SYTL2: variants seen among roughly 807,000 people sequenced by gnomAD.
SYTL2 encodes synaptotagmin-like protein 2.
A neutral mutation model predicts 198.7 loss-of-function variants in SYTL2; 165 were observed. The ratio of observed to expected loss-of-function variants is 0.83; its 90% confidence interval spans 0.73 to 0.94. The LOEUF is 0.94. Among genes scored for constraint, SYTL2 ranks in the 40% least tolerant of loss-of-function variants. The pLI, the probability that SYTL2 is intolerant of heterozygous loss-of-function variation, is 0.00. For missense variants in SYTL2, 2,835 were observed against 2,582.8 expected (o/e 1.10, Z -2.12); for synonymous variants, 966 against 917.7 (o/e 1.05, Z -0.95).
At chr11:85,789,293 A>T (rs1003002988) in intron 1 of SYTL2, among the ~76,000 whole-genome samples, 4 of 136,306 alleles carry the variant, frequency 2.9e-5, no homozygotes, top group Non-Finnish European at 4.6e-5. Context: ...ATATATATAT[A>T]TATTTATTTA....
rs757278110 is a variant in SYTL2 at position 85,725,414 on chromosome 11, A to G, written c.3944T>C (p.Leu1315Pro). The G allele has an allele frequency of 1.9e-6, 3 of 1,614,140 alleles. No individual in the cohort carries two copies. In the Admixed American group the frequency reaches 5.0e-5, roughly 27 times the overall value. Residue 1315 changes from leucine (L) to proline (P), a missense_variant, in exon 8 of 20, where the codon CTT becomes CCT. By Grantham distance (98) the Leu-to-Pro change is moderately conservative (BLOSUM62 -3). Coordinates refer to ENST00000359152, the MANE Select transcript of SYTL2 (RefSeq NM_206927.4). ...DSHPLDPTSQLSRKGSFGDVA... is the reference protein window; with the variant it reads ...DSHPLDPTSQPSRKGSFGDVA... ...ATCCCCAAAAGAACCCTTTCTGGAA[A>G]GCTGGGAAGTTGGATCCAATGGATG...
chr11:85,835,863 T>C, the SYTL2 span, among the ~76,000 whole-genome samples: 1 of 152,190 alleles, frequency 6.6e-6, no homozygotes, highest in Non-Finnish European at 1.5e-5. Flanking sequence ...GTAGGGTCTT[T>C]CTGGGACAAG....
rs1160441389 is a variant in SYTL2 at position 85,726,639 on chromosome 11, T to C, written c.2719A>G (p.Lys907Glu). 6.5e-7 allele frequency: 1 copy of C among 1,538,098 alleles called. No individual in the cohort carries two copies. Among genetic ancestry groups the C allele is most frequent in the Admixed American group, 2.0e-5 (1 of 51,066 alleles). ...TGTGATCTTTTTATAGGCTCATTTT[T>C]CTTATTCTGAAACAGAGACACTTTA... The part of the protein sequence containing the change: ...SDKVSLFQNK[K>E]NEPIKRSQVA... Residue 907 changes from lysine to glutamate, a missense_variant, in exon 8 of 20, where the codon AAA becomes GAA. Transcript: ENST00000359152.
At chr11:85,733,484 T>C (rs940099485) in intron 7 of SYTL2, 1 of 153,920 alleles carries the variant, frequency 6.5e-6, no homozygotes, top group African/African-American at 2.4e-5. Context: ...GGTATAAACA[T>C]TTCCAGTGGC....
chr11:85,811,434 T>C (rs1379577491), upstream of SYTL2, among the ~76,000 whole-genome samples: 1 of 152,154 alleles, frequency 6.6e-6, no homozygotes, highest in East Asian at 1.9e-4. Context: ...GCACTGTTGT[T>C]ATTGTTATTA....
intron 2 of SYTL2, among the ~76,000 whole-genome samples, chr11:85,749,793 C>T (rs2091401817): frequency 1.3e-5 from 2 of 152,216 alleles, no homozygotes; most frequent in Admixed American, 1.3e-4. Context: ...TTTGCCTTCT[C>T]CTCCCAAAAG....
At chr11:85,825,854 T>C in the SYTL2 span, among the ~76,000 whole-genome samples, 1 of 152,244 alleles carries the variant, frequency 6.6e-6, no homozygotes, top group Non-Finnish European at 1.5e-5. Context: ...ATGGCACTAA[T>C]CATGATTTCA....
the SYTL2 span, chr11:85,853,187 CATG>C: frequency 4.9e-6 from 2 of 404,212 alleles, no homozygotes; most frequent in Non-Finnish European, 9.8e-6. Flanking sequence ...GAGAACAGGC[CATG>C]ATGACAATGG....
rs1258602235 is a variant in SYTL2, at chr11:85,734,224, T to C, written c.1105A>G (p.Met369Val). The C allele has an allele frequency of 9.9e-6, 16 of 1,614,204 alleles. No individual in the cohort carries two copies. Among genetic ancestry groups the C allele is most frequent in the Non-Finnish European group, 1.4e-5 (16 of 1,180,018 alleles). ...TCTTCTGTGTCCCCTGCATCTTCCA[T>C]TCCATTTTTCAATCTGTCAGATTCT... ...VLESDRLKNG[M>V]EDAGDTEEFQ... Residue 369 changes from methionine to valine, a missense_variant, in exon 7 of 20, where the codon ATG becomes GTG. Physicochemically the swap from Met to Val is conservative, Grantham distance 21. This residue lies in a region of SYTL2 where 2,645 missense variants were observed against 2,381.7 expected (regional missense o/e 1.11). Transcript: ENST00000359152.
the SYTL2 span, among the ~76,000 whole-genome samples, chr11:85,846,715 C>A: frequency 6.6e-6 from 1 of 150,960 alleles, no homozygotes; most frequent in South Asian, 2.1e-4. Context: ...AGGTGAGTCA[C>A]CACGCCCAGG....
rs112995012 is a variant in SYTL2 at position 85,731,585 on chromosome 11, A to C, written c.1390+2354T>G. The stretch of plus-strand genomic sequence containing the variant: ...TTACACCTTATACAAAAATTAACTC[A>C]ACTAGATTAAAGACTTAAATGTAAG... On this transcript the variant is annotated intron_variant, in intron 7 of 19. Transcript: ENST00000359152. 1.2e-4 allele frequency among the ~76,000 whole-genome samples: 18 copies of C among 152,328 alleles called. 1 individual carries two copies. Among genetic ancestry groups the C allele is most frequent in the African/African-American group, 4.1e-4 (17 of 41,572 alleles).
At chr11:85,773,844 C>T (rs1322309588) in intron 1 of SYTL2, among the ~76,000 whole-genome samples, 1 of 152,178 alleles carries the variant, frequency 6.6e-6, no homozygotes, top group African/African-American at 2.4e-5. Flanking sequence ...ATAATGTAAT[C>T]TTTGCAGAGC....
chr11:85,735,616 G>A (rs1041713836), intron 6 of SYTL2, among the ~76,000 whole-genome samples: 4 of 152,108 alleles, frequency 2.6e-5, no homozygotes, highest in Non-Finnish European at 4.4e-5. Flanking sequence ...AATTAGGCGG[G>A]TGTGGTAGAG....
At chr11:85,834,754 CTTTTTCTTTTTTT>C in the SYTL2 span, among the ~76,000 whole-genome samples, 3 of 133,446 alleles carry the variant, frequency 2.2e-5, no homozygotes, top group African/African-American at 6.1e-5. Flanking sequence ...AAATGCTTTT[CTTTTTCTTTTTTT>C]TTTTTCTTTT....
At chr11:85,770,223 T>G (rs76182923) in intron 1 of SYTL2, among the ~76,000 whole-genome samples, 5,902 of 152,236 alleles carry the variant, frequency 0.039, 153 homozygotes, top group Middle Eastern at 0.061. Flanking sequence ...TCCTCATAAG[T>G]AACTCTGAGG....
intron 1 of SYTL2, among the ~76,000 whole-genome samples, chr11:85,787,731 GTATTTAGTATATTCA>G (rs2092661365): frequency 2.4e-5 from 2 of 83,714 alleles, no homozygotes; most frequent in Non-Finnish European, 5.1e-5. Flanking sequence ...TATTTTTATG[GTATTTAGTATATTCA>G]TACCCAAGGC....
chr11:85,793,067 T>A (rs2092754374), intron 1 of SYTL2, among the ~76,000 whole-genome samples: 1 of 151,978 alleles, frequency 6.6e-6, no homozygotes, highest in Non-Finnish European at 1.5e-5. Context: ...TTTGCTATCG[T>A]GAATAGTGCC....
intron 1 of SYTL2, among the ~76,000 whole-genome samples, chr11:85,774,340 G>T (rs1276632471): frequency 1.3e-5 from 2 of 152,114 alleles, no homozygotes; most frequent in Non-Finnish European, 2.9e-5. Flanking sequence ...GAAGTTCATG[G>T]ATCTTAAGGG....
At position 85,696,371 on chromosome 11, in the gene SYTL2, G is replaced by T. The variant is rs1460463558; in HGVS notation, c.6386C>A (p.Thr2129Lys). ...TGTCTTCTGGCGACTTTTCCTACTTGTATCTGGAAGGATGGTACTACAAAA... is the reference window on the plus strand; with the variant it reads ...TGTCTTCTGGCGACTTTTCCTACTTTTATCTGGAAGGATGGTACTACAAAA... ...SFVKCTILPD[T>K]SRKSRQKTRA... The change falls in exon 19 of 20, where the codon ACA (threonine) becomes AAA (lysine). Residue 2129 changes from threonine (T) to lysine (K), a missense_variant. This residue lies in a region of SYTL2 where 185 missense variants were observed against 182.1 expected (regional missense o/e 1.02). Transcript: ENST00000359152. 6.2e-7 allele frequency: 1 copy of T among 1,613,840 alleles called. No homozygotes were observed. The highest frequency in any genetic ancestry group is 8.5e-7 in the Non-Finnish European group (1 of 1,179,762).
Sources: gnomAD v4.1 joint callset for allele counts (sites outside exome capture counted in the v4.1 genomes callset) on GRCh38, gnomAD v4.1.1 for gene constraint, gnomAD v4.1.1 regional missense constraint, MANE v1.5 for transcripts, NCBI Gene and HGNC (gene_info 2026-07-23, HGNC 2026-07-21) for gene names.